HECTD2: variants seen among roughly 807,000 people sequenced by gnomAD.
The protein encoded by HECTD2 is probable E3 ubiquitin-protein ligase HECTD2.
A neutral mutation model predicts 103.2 loss-of-function variants in HECTD2; 35 were observed. The ratio of observed to expected loss-of-function variants is 0.34; its 90% confidence interval spans 0.26 to 0.45. The LOEUF (loss-of-function observed/expected upper bound fraction) is 0.45, where lower values mean the gene tolerates loss of function less well. Ranked by LOEUF, HECTD2 falls within the 20% of genes least tolerant of loss-of-function variation. The pLI is 1.00. For synonymous variants in HECTD2, 281 were observed against 329.9 expected, an observed-to-expected ratio of 0.85 and a Z score of 1.61; for missense variants, 596 against 937.4, an observed-to-expected ratio of 0.64 and a Z score of 4.76.
intron 2 of HECTD2, among the ~76,000 whole-genome samples, chr10:91,433,890 T>C (rs1223111331): frequency 6.6e-6 from 1 of 151,964 alleles, no homozygotes; most frequent in African/African-American, 2.4e-5. Context: ...CCTGTTGGAA[T>C]GTCAAACCCA....
chr10:91,449,546 C>T (rs143598172), intron 2 of HECTD2, among the ~76,000 whole-genome samples: 2,114 of 152,086 alleles, frequency 0.014, 36 homozygotes, highest in Middle Eastern at 0.034. Context: ...TTGGCCAGGG[C>T]AATCAGGCAA....
At chr10:91,486,951 T>G (rs1846287925) in intron 10 of HECTD2, 1 of 152,278 alleles carries the variant, frequency 6.6e-6, no homozygotes, top group East Asian at 1.9e-4. Context: ...AACTGATAGA[T>G]TCACTGTAGT....
chr10:91,424,174 G>C (rs1416393564), intron 1 of HECTD2, among the ~76,000 whole-genome samples: 2 of 152,118 alleles, frequency 1.3e-5, no homozygotes, highest in African/African-American at 4.8e-5. Flanking sequence ...AGAAGAGCTA[G>C]AGTTTTGCCC....
chr10:91,482,004 G>A (rs533867808), intron 7 of HECTD2, among the ~76,000 whole-genome samples: 2 of 151,646 alleles, frequency 1.3e-5, no homozygotes, highest in South Asian at 4.1e-4. Flanking sequence ...GAAATGTAAG[G>A]AGGGAAAATA....
intron 20 of HECTD2, among the ~76,000 whole-genome samples, chr10:91,502,419 T>A (rs946183616): frequency 6.6e-6 from 1 of 152,202 alleles, no homozygotes; most frequent in African/African-American, 2.4e-5. Context: ...CTCAAATATC[T>A]TGTAGAAGTT....
chr10:91,443,927 A>G (rs1199463119), intron 2 of HECTD2, among the ~76,000 whole-genome samples: 2 of 152,184 alleles, frequency 1.3e-5, no homozygotes, highest in Admixed American at 1.3e-4. Context: ...CAGAGGTTCA[A>G]TTTACAAATA....
chr10:91,509,861 C>T lies in HECTD2; in HGVS notation c.2211-2403C>T, dbSNP rs920649150. 3.1e-4 allele frequency among the ~76,000 whole-genome samples: 47 copies of T among 152,140 alleles called. 1 individual carries two copies. Among genetic ancestry groups the T allele is most frequent in the African/African-American group, 1.1e-3 (47 of 41,414 alleles). On this transcript the variant is annotated intron_variant, in intron 20 of 20. Transcript: ENST00000298068. The stretch of plus-strand genomic sequence containing the variant: ...TACCTGGGTGATGAGATAATCTGTA[C>T]ACCAAACCCCCATGACATGCAGTTT...
At chr10:91,477,539 A>G (rs181857165) in intron 5 of HECTD2, among the ~76,000 whole-genome samples, 5 of 152,300 alleles carry the variant, frequency 3.3e-5, no homozygotes, top group East Asian at 1.9e-4. Context: ...AGAGAAAGGA[A>G]TGCTATATTA....
intron 2 of HECTD2, among the ~76,000 whole-genome samples, chr10:91,435,599 G>A (rs570136074): frequency 6.6e-6 from 1 of 152,134 alleles, no homozygotes; most frequent in Admixed American, 6.6e-5. Context: ...TCAGGCCGCT[G>A]TGATTCCTGT....
rs1223490326 is a variant in HECTD2, at chr10:91,410,526, G to A, written c.88G>A (p.Glu30Lys). ...TGAGGAGAGGAAAGGGAAGGAGTCA[G>A]AGCGCGAGAAGCTGCCGCCCATCGT... Reference protein sequence around the residue: ...APEERKGKESEREKLPPIVSA... With the variant: ...APEERKGKESKREKLPPIVSA... Residue 30 changes from glutamate to lysine, a missense_variant, in exon 1 of 21, where the codon GAG (glutamate) becomes AAG (lysine). Around this residue, in one of 4 missense-constraint regions of HECTD2, gnomAD observed 220 missense variants for 233.9 expected, o/e 0.94. Transcript: ENST00000298068. The A allele has an allele frequency of 6.8e-7, 1 of 1,477,004 alleles. No individual in the cohort carries two copies. The highest frequency in any genetic ancestry group is 1.3e-5 in the South Asian group (1 of 77,508). The allele number at this position is 1,477,004 out of a possible 1,614,324, so 91.5% of individuals were successfully genotyped here.
intron 20 of HECTD2, among the ~76,000 whole-genome samples, chr10:91,507,133 TAA>T (rs1382689179): frequency 2.6e-5 from 4 of 151,808 alleles, no homozygotes; most frequent in Admixed American, 6.6e-5. Flanking sequence ...TTCAAAATAA[TAA>T]GAGCTATCTA....
chr10:91,476,894 G>C (rs995746512), intron 5 of HECTD2, among the ~76,000 whole-genome samples: 2 of 152,124 alleles, frequency 1.3e-5, no homozygotes, highest in African/African-American at 4.8e-5. Flanking sequence ...ACCCCTGCGG[G>C]TCCGGGCCGG....
At chr10:91,452,207 G>A (rs1439146602) in intron 2 of HECTD2, among the ~76,000 whole-genome samples, 1 of 151,966 alleles carries the variant, frequency 6.6e-6, no homozygotes, top group Admixed American at 6.6e-5. Flanking sequence ...AAGACAGTAG[G>A]GCTAAAAAAG....
chr10:91,487,260 G>T lies in HECTD2; in HGVS notation c.1095-422G>T. On this transcript the variant is annotated intron_variant, in intron 10 of 20. Coordinates refer to ENST00000298068, the MANE Select transcript of HECTD2 (RefSeq NM_182765.6). This position sits in a 1 kb window ranked among gnomAD's most constrained non-coding sequence, Gnocchi z 4.1. Reference sequence around the variant, plus strand: ...GTTATTGTTAGATTTTTTCATTTCTGGAACTCACACATCAGAAGTCACCAT... The same window carrying T: ...GTTATTGTTAGATTTTTTCATTTCTTGAACTCACACATCAGAAGTCACCAT... 5.6e-6 allele frequency: 1 copy of T among 179,082 alleles called. No individual in the cohort carries two copies. Among genetic ancestry groups the T allele is most frequent in the Non-Finnish European group, 1.2e-5 (1 of 83,124 alleles). 11.1% of individuals were successfully genotyped at this position (179,082 alleles called of 1,614,324 possible). A position where few individuals can be genotyped will look rare whatever the true frequency, so the allele number is the denominator to read the frequency against.
intron 2 of HECTD2, among the ~76,000 whole-genome samples, chr10:91,439,638 T>TGG (rs1313625145): frequency 6.6e-6 from 1 of 152,166 alleles, no homozygotes. Flanking sequence ...GGTAGCTTGA[T>TGG]GGGGATAGCA....
At chr10:91,484,748 T>A in intron 9 of HECTD2, 93 bp downstream of exon 9, 1 of 911,600 alleles carries the variant, frequency 1.1e-6, no homozygotes, top group Non-Finnish European at 1.6e-6. Context: ...GAGGCATTCT[T>A]AAATTTTAAA....
At chr10:91,417,538 C>T (rs1007598921) in intron 1 of HECTD2, among the ~76,000 whole-genome samples, 5 of 151,932 alleles carry the variant, frequency 3.3e-5, no homozygotes, top group Admixed American at 2.0e-4. Flanking sequence ...ACAACAGGCC[C>T]GGGTGTGTGA....
intron 5 of HECTD2, among the ~76,000 whole-genome samples, chr10:91,471,225 T>C (rs918541750): frequency 1.3e-5 from 2 of 152,124 alleles, no homozygotes; most frequent in Non-Finnish European, 2.9e-5. Flanking sequence ...AAAAACCACA[T>C]GATTATCTCA....
intron 1 of HECTD2, among the ~76,000 whole-genome samples, chr10:91,419,597 G>A (rs1221301233): frequency 6.6e-6 from 1 of 152,142 alleles, no homozygotes; most frequent in African/African-American, 2.4e-5. Context: ...TTGAATTCGA[G>A]TTTAATAAAT....
Sources: gnomAD v4.1 joint callset for allele counts (sites outside exome capture counted in the v4.1 genomes callset) on GRCh38, gnomAD v4.1.1 for gene constraint, gnomAD v4.1.1 regional missense constraint, Gnocchi (gnomAD v3.1) non-coding constraint, MANE v1.5 for transcripts, NCBI Gene and HGNC (gene_info 2026-07-23, HGNC 2026-07-21) for gene names.